The following MDGA2 variants were observed in gnomAD, a reference collection of about 807,000 sequenced individuals.
The protein encoded by MDGA2 is MAM domain containing glycosylphosphatidylinositol anchor 2, also known as MAM domain-containing glycosylphosphatidylinositol anchor protein 2.
In MDGA2, 40 loss-of-function variants were observed where a neutral mutation model predicts 117.8. The observed-to-expected ratio is 0.34, with a 90% CI of 0.26 to 0.44. MDGA2 has a LOEUF of 0.44. Ranked by LOEUF, MDGA2 falls within the 20% of genes least tolerant of loss-of-function variation. The pLI is 1.00. For synonymous variants in MDGA2, 452 were observed against 439.0 expected, an observed-to-expected ratio of 1.03 and a Z score of -0.37; for missense variants, 1,123 against 1,250.6, an observed-to-expected ratio of 0.90 and a Z score of 1.54.
At chr14:47,087,258 T>C (rs1371328246) in intron 6 of MDGA2, among the ~76,000 whole-genome samples, 2 of 151,844 alleles carry the variant, frequency 1.3e-5, no homozygotes, top group Non-Finnish European at 2.9e-5. Context: ...CTCACACCTG[T>C]AATCCCAGCA....
At chr14:47,178,011 A>T (rs1010772294) in intron 3 of MDGA2, among the ~76,000 whole-genome samples, 4 of 152,124 alleles carry the variant, frequency 2.6e-5, no homozygotes, top group African/African-American at 9.7e-5. Context: ...CATGGCTAAT[A>T]GTGTCACAAA....
At chr14:47,450,876 A>C (rs1187365860) in intron 1 of MDGA2, among the ~76,000 whole-genome samples, 1 of 152,140 alleles carries the variant, frequency 6.6e-6, no homozygotes, top group African/African-American at 2.4e-5. Flanking sequence ...AATAACCTGA[A>C]GGATTCAAAT....
At position 47,335,747 on chromosome 14, in the gene MDGA2, T is replaced by TATATATATATATATATATATACACACAC. The variant is rs1055245438; in HGVS notation, c.281-34198_281-34197insGTGTGTGTATATATATATATATATATAT. Reference sequence around the variant, plus strand: ...CACACATATATTTTATATATATATATACATACATACATACAGGATCACTCT... The same window carrying TATATATATATATATATATATACACACAC: ...CACACATATATTTTATATATATATATATATATATATATATATATATACACACACACATACATACATACAGGATCACTCT... On this transcript the variant is annotated intron_variant, in intron 1 of 16. Transcript: ENST00000399232. Among the ~76,000 whole-genome samples, 3 of 68,644 alleles carry TATATATATATATATATATATACACACAC rather than the reference T, an allele frequency of 4.4e-5. No individual in the cohort carries two copies. In the Admixed American group the frequency reaches 5.6e-4, roughly 13 times the overall value. 45.0% of individuals were successfully genotyped at this position (68,644 alleles called of 152,430 possible).
rs143292015 is a variant in MDGA2 at position 47,359,005 on chromosome 14, C to G, written c.281-57455G>C. Among the ~76,000 whole-genome samples, 614 of 152,188 alleles carry G rather than the reference C, an allele frequency of 4.0e-3. 2 individuals carry two copies. Among genetic ancestry groups the G allele is most frequent in the African/African-American group, 0.014 (594 of 41,514 alleles). ...GGGAACCACAAAAGACTTCAAGTAG[C>G]CAAAGCAATATTGATAAAGAAAAAC... On this transcript the variant is annotated intron_variant, in intron 1 of 16. Coordinates refer to ENST00000399232, the MANE Select transcript of MDGA2 (RefSeq NM_001113498.3).
At chr14:47,347,024 C>G (rs1028580362) in intron 1 of MDGA2, among the ~76,000 whole-genome samples, 3 of 152,114 alleles carry the variant, frequency 2.0e-5, no homozygotes, top group African/African-American at 7.2e-5. Context: ...GCACCACAAA[C>G]ACAACCACTG....
intron 10 of MDGA2, among the ~76,000 whole-genome samples, chr14:46,919,343 ATT>A (rs767568389): frequency 1.3e-5 from 2 of 152,204 alleles, no homozygotes; most frequent in African/African-American, 2.4e-5. Flanking sequence ...TTATGCTGAA[ATT>A]CATCCAGATA....
chr14:46,963,166 A>G (rs1325119206), intron 8 of MDGA2, among the ~76,000 whole-genome samples: 1 of 152,208 alleles, frequency 6.6e-6, no homozygotes, highest in Non-Finnish European at 1.5e-5. Context: ...CTGTTCAAGA[A>G]CACTGTCCAT....
intron 8 of MDGA2, among the ~76,000 whole-genome samples, chr14:46,987,067 A>T (rs1227315961): frequency 3.9e-5 from 6 of 152,112 alleles, no homozygotes; most frequent in Admixed American, 6.6e-5. Context: ...GCATATTGGT[A>T]GTAATAACAG....
At chr14:47,317,835 G>A (rs189193073) in intron 1 of MDGA2, among the ~76,000 whole-genome samples, 107 of 152,092 alleles carry the variant, frequency 7.0e-4, no homozygotes, top group Non-Finnish European at 1.3e-3. Flanking sequence ...ACTTTGCCCT[G>A]TCTTCTAGGC....
At chr14:47,292,794 T>A (rs1888934971) in intron 2 of MDGA2, among the ~76,000 whole-genome samples, 1 of 152,104 alleles carries the variant, frequency 6.6e-6, no homozygotes, top group Non-Finnish European at 1.5e-5. Context: ...TTCCTCAAGG[T>A]GTCATTTTTG....
chr14:47,635,043 C>T (rs531161807), intron 1 of MDGA2, among the ~76,000 whole-genome samples: 36 of 152,060 alleles, frequency 2.4e-4, no homozygotes, highest in African/African-American at 8.0e-4. Flanking sequence ...AATACCTACC[C>T]AATAGAGTTG....
intron 1 of MDGA2, among the ~76,000 whole-genome samples, chr14:47,419,395 T>C (rs1892534203): frequency 6.6e-6 from 1 of 152,110 alleles, no homozygotes; most frequent in Non-Finnish European, 1.5e-5. Context: ...TGAGAAGTCA[T>C]AGGCCATGAC....
chr14:47,110,306 T>G (rs570235867), intron 5 of MDGA2, among the ~76,000 whole-genome samples: 1 of 152,198 alleles, frequency 6.6e-6, no homozygotes, highest in Non-Finnish European at 1.5e-5. Context: ...CGTGGCTTTT[T>G]TCACAAGAGG....
At chr14:47,151,595 T>C (rs1328569920) in intron 3 of MDGA2, among the ~76,000 whole-genome samples, 2 of 152,056 alleles carry the variant, frequency 1.3e-5, no homozygotes, top group Admixed American at 1.3e-4. Context: ...TTATTTATAT[T>C]TATCTCTTTA....
chr14:47,391,685 A>G (rs1891898566), intron 1 of MDGA2, among the ~76,000 whole-genome samples: 1 of 152,118 alleles, frequency 6.6e-6, no homozygotes, highest in African/African-American at 2.4e-5. Flanking sequence ...ATCATCTCTA[A>G]AAGTCATTCT....
chr14:47,580,624 A>C (rs771893190), intron 1 of MDGA2, among the ~76,000 whole-genome samples: 1 of 152,066 alleles, frequency 6.6e-6, no homozygotes, highest in African/African-American at 2.4e-5. Flanking sequence ...TAATCTCTGA[A>C]AAGAGGAGAC....
intron 2 of MDGA2, among the ~76,000 whole-genome samples, chr14:47,271,162 G>T (rs1888131130): frequency 6.6e-6 from 1 of 152,088 alleles, no homozygotes; most frequent in Admixed American, 6.6e-5. Flanking sequence ...AACCTTTCCT[G>T]CCCCCAAAGT....
intron 3 of MDGA2, among the ~76,000 whole-genome samples, chr14:47,170,045 A>G (rs1194275845): frequency 1.3e-5 from 2 of 152,168 alleles, no homozygotes; most frequent in African/African-American, 4.8e-5. Flanking sequence ...ATCCGGAGTT[A>G]ATCTGCCTAT....
intron 2 of MDGA2, among the ~76,000 whole-genome samples, chr14:47,264,969 C>T (rs1453114649): frequency 6.6e-6 from 1 of 151,992 alleles, no homozygotes; most frequent in African/African-American, 2.4e-5. Flanking sequence ...TTTAATGTTG[C>T]TGTAAAAAGG....
Sources: gnomAD v4.1 joint callset for allele counts (sites outside exome capture counted in the v4.1 genomes callset) on GRCh38, gnomAD v4.1.1 for gene constraint, MANE v1.5 for transcripts, NCBI Gene and HGNC (gene_info 2026-07-23, HGNC 2026-07-21) for gene names.